The following MIS18A variants were observed in gnomAD, a reference collection of about 807,000 sequenced individuals.
MIS18A encodes the protein protein Mis18-alpha.
MIS18A carries 14 observed loss-of-function variants against 25.0 expected under a neutral mutation model. The ratio of observed to expected loss-of-function variants is 0.56; its 90% CI spans 0.37 to 0.88. The LOEUF (loss-of-function observed/expected upper bound fraction) is 0.88. Among genes scored for constraint, MIS18A ranks in the 40% least tolerant of loss-of-function variants. MIS18A has a pLI of 0.00. For synonymous variants in MIS18A, 134 were observed against 118.6 expected (o/e 1.13, Z -0.84); for missense variants, 292 against 290.8 (o/e 1.00, Z -0.03).
chr21:32,161,997 T>C, the MIS18A span, among the ~76,000 whole-genome samples: 2 of 152,064 alleles, frequency 1.3e-5, no homozygotes, highest in Non-Finnish European at 2.9e-5. Context: ...CTAGACACTG[T>C]CCTAGTTAAT....
At chr21:32,265,345 G>A (rs138555284), downstream of MIS18A, among the ~76,000 whole-genome samples, 649 of 152,342 alleles carry the variant, frequency 4.3e-3, no homozygotes, top group South Asian at 0.018. Context: ...AGGCACGAGC[G>A]GGAACTGGGG....
chr21:32,232,109 T>C, the MIS18A span, among the ~76,000 whole-genome samples: 1 of 152,096 alleles, frequency 6.6e-6, no homozygotes, highest in East Asian at 1.9e-4. Context: ...ATAAAGAAAC[T>C]GTGGTATGTA....
the MIS18A span, among the ~76,000 whole-genome samples, chr21:32,222,238 G>A: frequency 6.6e-6 from 1 of 152,118 alleles, no homozygotes; most frequent in Non-Finnish European, 1.5e-5. Context: ...AACAAGAAAA[G>A]CTAATGATCT....
the MIS18A span, among the ~76,000 whole-genome samples, chr21:32,258,871 T>C: frequency 1.1e-4 from 14 of 124,702 alleles, no homozygotes; most frequent in African/African-American, 2.9e-4. Context: ...TATTTATTTA[T>C]TTATTTACTT....
chr21:32,158,632 G>A, the MIS18A span, among the ~76,000 whole-genome samples: 1 of 151,926 alleles, frequency 6.6e-6, no homozygotes, highest in Non-Finnish European at 1.5e-5. Context: ...GCACCACCAT[G>A]CCCAGCTAAT....
the MIS18A span, among the ~76,000 whole-genome samples, chr21:32,207,187 G>C: frequency 6.6e-6 from 1 of 152,168 alleles, no homozygotes. Flanking sequence ...GCTTCTACAA[G>C]TAACAAATAT....
At chr21:32,167,027 T>C in the MIS18A span, among the ~76,000 whole-genome samples, 1 of 152,124 alleles carries the variant, frequency 6.6e-6, no homozygotes, top group African/African-American at 2.4e-5. Context: ...TACCATGTAA[T>C]AAACCTGCAC....
the MIS18A span, among the ~76,000 whole-genome samples, chr21:32,248,011 ATGGAAGAGCTT>A: frequency 6.6e-6 from 1 of 152,190 alleles, no homozygotes; most frequent in Admixed American, 6.5e-5. Context: ...AGATCGCTGC[ATGGAAGAGCTT>A]TGTTAGTGGA....
At chr21:32,189,136 C>A in the MIS18A span, among the ~76,000 whole-genome samples, 212 of 151,028 alleles carry the variant, frequency 1.4e-3, 1 homozygote, top group African/African-American at 4.3e-3. Flanking sequence ...TGTGCGGACA[C>A]CGCCATGACT....
the MIS18A span, among the ~76,000 whole-genome samples, chr21:32,168,121 C>G: frequency 6.6e-6 from 1 of 152,142 alleles, no homozygotes; most frequent in African/African-American, 2.4e-5. Flanking sequence ...CAATCTCTCT[C>G]TACCACATGA....
chr21:32,165,010 C>T, the MIS18A span, among the ~76,000 whole-genome samples: 26 of 152,140 alleles, frequency 1.7e-4, no homozygotes, highest in Non-Finnish European at 3.2e-4. Flanking sequence ...CAGAACTGTC[C>T]TATGCCAATA....
chr21:32,167,292 G>GA, the MIS18A span, among the ~76,000 whole-genome samples: 23 of 152,070 alleles, frequency 1.5e-4, no homozygotes, highest in East Asian at 2.7e-3. Flanking sequence ...CAAAAAACAG[G>GA]ACCAAAAGAA....
downstream of MIS18A, among the ~76,000 whole-genome samples, chr21:32,264,762 T>C (rs75752320): frequency 0.061 from 9,342 of 152,198 alleles, 369 homozygotes; most frequent in Middle Eastern, 0.13. Context: ...CTGCAACGGG[T>C]CCCTCTCCTG....
At chr21:32,231,082 C>T in the MIS18A span, among the ~76,000 whole-genome samples, 4 of 151,622 alleles carry the variant, frequency 2.6e-5, no homozygotes, top group African/African-American at 7.3e-5. Flanking sequence ...ACAAAAAATA[C>T]AAAAATTAGC....
chr21:32,180,182 C>T, the MIS18A span, among the ~76,000 whole-genome samples: 1 of 152,184 alleles, frequency 6.6e-6, no homozygotes, highest in South Asian at 2.1e-4. Flanking sequence ...TACAGACTCA[C>T]CTAGGCCAGT....
the MIS18A span, among the ~76,000 whole-genome samples, chr21:32,254,432 G>A: frequency 4.0e-3 from 606 of 151,924 alleles, 13 homozygotes; most frequent in South Asian, 0.055. Flanking sequence ...TTGGGAAGCT[G>A]AGGCAGGAGA....
At chr21:32,228,884 T>C in the MIS18A span, among the ~76,000 whole-genome samples, 1 of 152,286 alleles carries the variant, frequency 6.6e-6, no homozygotes, top group East Asian at 1.9e-4. Context: ...AAAGACACAA[T>C]GTGTTCATAG....
At chr21:32,239,748 G>C in the MIS18A span, among the ~76,000 whole-genome samples, 2 of 152,174 alleles carry the variant, frequency 1.3e-5, no homozygotes, top group Non-Finnish European at 2.9e-5. Context: ...CCACCCTTAG[G>C]TTTGGTATTT....
the MIS18A span, among the ~76,000 whole-genome samples, chr21:32,169,260 A>G: frequency 6.6e-6 from 1 of 151,468 alleles, no homozygotes; most frequent in Non-Finnish European, 1.5e-5. Context: ...GAAACCCTCT[A>G]AAAAAACTCA....
Sources: gnomAD v4.1 joint callset for allele counts (sites outside exome capture counted in the v4.1 genomes callset) on GRCh38, gnomAD v4.1.1 for gene constraint, MANE v1.5 for transcripts, NCBI Gene and HGNC (gene_info 2026-07-23, HGNC 2026-07-21) for gene names.